The following CHMP7 variants were observed in gnomAD, a reference collection of about 807,000 sequenced individuals.
The protein encoded by CHMP7 is CHMP family, member 7.
A neutral mutation model predicts 53.7 loss-of-function variants in CHMP7; 15 were observed. That is an observed-to-expected ratio of 0.28 (90% confidence interval 0.19 to 0.43). CHMP7 has a LOEUF of 0.43. Among genes scored for constraint, CHMP7 ranks in the 20% least tolerant of loss-of-function variants. The pLI is 1.00. For missense variants in CHMP7, 527 were observed against 569.4 expected, an observed-to-expected ratio of 0.93 and a Z score of 0.76; for synonymous variants, 261 against 228.0, an observed-to-expected ratio of 1.14 and a Z score of -1.30.
Position 23,246,617 on chromosome 8 carries a change from C to A in CHMP7, c.-79C>A. On this transcript the variant is annotated 5_prime_UTR_variant, in exon 2 of 11. Coordinates refer to ENST00000397677, the MANE Select transcript of CHMP7 (RefSeq NM_152272.5). ...GAACGAGAAGGAGGTGGTCAAGGAA[C>A]GGAAGCCGGGAGGGAACGAGGGCGG... 3.9e-6 allele frequency: 5 copies of A among 1,267,558 alleles called. No individual in the cohort carries two copies. The highest frequency in any genetic ancestry group is 5.4e-6 in the Non-Finnish European group (5 of 923,578). 78.5% of individuals were successfully genotyped at this position (1,267,558 alleles called of 1,614,324 possible). A position where few individuals can be genotyped will look rare whatever the true frequency, so the allele number is the denominator to read the frequency against.
chr8:23,246,580 G>A lies in CHMP7; in HGVS notation c.-116G>A. 1.2e-6 allele frequency: 1 copy of A among 815,244 alleles called. No homozygotes were observed. The highest frequency in any genetic ancestry group is 2.7e-5 in the East Asian group (1 of 37,364). 50.5% of individuals were successfully genotyped at this position (815,244 alleles called of 1,614,324 possible). ...TGGAACTTATTTCACGCTCAGGGCG[G>A]CGGTGACGTGTGAACGAGAAGGAGG... On this transcript the variant is annotated 5_prime_UTR_variant, in exon 2 of 11. Coordinates refer to ENST00000397677, the MANE Select transcript of CHMP7 (RefSeq NM_152272.5).
intron 1 of CHMP7, among the ~76,000 whole-genome samples, chr8:23,245,703 CTTT>C (rs55893321): frequency 3.3e-5 from 5 of 151,934 alleles, no homozygotes; most frequent in Non-Finnish European, 7.4e-5. Context: ...ACTGGTACAA[CTTT>C]TTTCTTAAAT....
At chr8:23,258,899 A>C (rs1392802640) in intron 8 of CHMP7, 69 bp downstream of exon 8, 2 of 1,196,974 alleles carry the variant, frequency 1.7e-6, no homozygotes, top group Non-Finnish European at 1.2e-6. Context: ...ACTTCATTGC[A>C]CATCCTCTTT....
intron 5 of CHMP7, among the ~76,000 whole-genome samples, chr8:23,256,952 C>G (rs997924689): frequency 1.3e-5 from 2 of 152,014 alleles, no homozygotes; most frequent in Non-Finnish European, 2.9e-5. Flanking sequence ...GCCACCACGC[C>G]TGGCGAATTT....
At chr8:23,251,009 G>C (rs1801907432) in intron 3 of CHMP7, among the ~76,000 whole-genome samples, 1 of 152,202 alleles carries the variant, frequency 6.6e-6, no homozygotes, top group Non-Finnish European at 1.5e-5. Flanking sequence ...CTGCCCAGTG[G>C]CCTGGTCTCC....
Position 23,260,740 on chromosome 8 carries a change from T to TA in CHMP7, c.*142dup. ...CTGATTTTATCTGGATGCTACTACT[T>TA]ACTACAGGACAGATAGAATTTCTGG... On this transcript the variant is annotated 3_prime_UTR_variant, in exon 11 of 11. Transcript: ENST00000397677. 1.4e-6 allele frequency: 1 copy of TA among 709,600 alleles called. No homozygotes were observed. The highest frequency in any genetic ancestry group is 2.5e-6 in the Non-Finnish European group (1 of 401,220). 44.0% of individuals were successfully genotyped at this position (709,600 alleles called of 1,614,324 possible). A position where few individuals can be genotyped will look rare whatever the true frequency, so the allele number is the denominator to read the frequency against.
intron 3 of CHMP7, 89 bp downstream of exon 3, chr8:23,249,470 G>A (rs1051189875): frequency 1.9e-5 from 21 of 1,081,824 alleles, no homozygotes; most frequent in African/African-American, 1.6e-4. Context: ...AAAAAAGACC[G>A]TCTCTTTTTT....
intron 10 of CHMP7, 42 bp from the exon 11 acceptor site, chr8:23,260,496 G>T: frequency 6.3e-7 from 1 of 1,586,298 alleles, no homozygotes; most frequent in East Asian, 2.3e-5. Context: ...TCATCTTCAA[G>T]ATTTTCCTGT....
chr8:23,251,707 C>T (rs1801936110), intron 3 of CHMP7, among the ~76,000 whole-genome samples: 1 of 152,178 alleles, frequency 6.6e-6, no homozygotes, highest in South Asian at 2.1e-4. Flanking sequence ...TTTCCAGGCC[C>T]TACACAGTAT....
Position 23,246,573 on chromosome 8 carries a change from C to A in CHMP7, c.-123C>A, listed in dbSNP as rs1801690686. ...AGACTTATGGAACTTATTTCACGCT[C>A]AGGGCGGCGGTGACGTGTGAACGAG... On this transcript the variant is annotated 5_prime_UTR_variant, in exon 2 of 11. The change creates a premature stop within an existing upstream ORF in the 5' untranslated region. Coordinates refer to ENST00000397677, the MANE Select transcript of CHMP7 (RefSeq NM_152272.5). 3 of 779,992 alleles carry A rather than the reference C, an allele frequency of 3.8e-6. No individual in the cohort carries two copies. The highest frequency in any genetic ancestry group is 4.0e-6 in the Non-Finnish European group (2 of 497,654). The allele number at this position is 779,992 out of a possible 1,614,324, so 48.3% of individuals were successfully genotyped here. A position where few individuals can be genotyped will look rare whatever the true frequency, so the allele number is the denominator to read the frequency against.
In CHMP7 at chr8:23,256,454, C is replaced by G; in HGVS notation, c.658-6C>G. 1 of 1,597,664 alleles carries G rather than the reference C, an allele frequency of 6.3e-7. No individual in the cohort carries two copies. Among genetic ancestry groups the G allele is most frequent in the Non-Finnish European group, 8.6e-7 (1 of 1,165,202 alleles). On this transcript the variant is annotated splice_region_variant and splice_polypyrimidine_tract_variant and intron_variant, in intron 4 of 10. Coordinates refer to ENST00000397677, the MANE Select transcript of CHMP7 (RefSeq NM_152272.5). ...GCAGCAGTAGTAATTTCTCCCTGTC[C>G]CTCAGATTGTGAAGTTTGCCCGAGG...
intron 3 of CHMP7, among the ~76,000 whole-genome samples, chr8:23,253,191 A>G (rs1801995442): frequency 6.6e-6 from 1 of 152,120 alleles, no homozygotes. Context: ...GACTTTCAAC[A>G]TTGTATCGCT....
chr8:23,259,161 C>CTTTTTTTTTTTTTTTTTTTTTTTTTTT (rs1491187498), intron 9 of CHMP7, 35 bp downstream of exon 9: 2 of 478,900 alleles, frequency 4.2e-6, no homozygotes. Flanking sequence ...TATTTTTATT[C>CTTTTTTTTTTTTTTTTTTTTTTTTTTT]ATTTTTTTTT....
At chr8:23,248,119 G>A (rs926758462) in intron 2 of CHMP7, 2 of 456,006 alleles carry the variant, frequency 4.4e-6, no homozygotes, top group African/African-American at 4.0e-5. Flanking sequence ...GGCCAACGAG[G>A]CTTTCTGAGA....
In CHMP7 at chr8:23,246,795, C is replaced by T. The variant is rs1181383738; in HGVS notation, c.100C>T (p.Leu34=). ...GGAGGACGAGGAGCGCATGTCCTTC[C>T]TGTTCTCCGCTTTCAAGAGGAGTCG... ...WEEDEERMSF[L]FSAFKRSREV... The change falls in exon 2 of 11, where the codon CTG becomes TTG. Residue 34 remains leucine (L), a synonymous_variant. Transcript: ENST00000397677. The T allele has an allele frequency of 2.5e-6, 4 of 1,588,708 alleles. No homozygotes were observed. Among genetic ancestry groups the T allele is most frequent in the East Asian group, 2.3e-5 (1 of 43,256 alleles).
At chr8:23,251,735 T>A (rs2128857950) in intron 3 of CHMP7, among the ~76,000 whole-genome samples, 1 of 152,332 alleles carries the variant, frequency 6.6e-6, no homozygotes, top group East Asian at 1.9e-4. Context: ...CTCGATTCTT[T>A]TTGATGCCTG....
intron 4 of CHMP7, 60 bp downstream of exon 4, chr8:23,255,492 A>C (rs1802089485): frequency 1.3e-6 from 2 of 1,517,034 alleles, no homozygotes; most frequent in Admixed American, 3.4e-5. Flanking sequence ...TACATAGAGT[A>C]GTGAGCCCTT....
At chr8:23,254,015 A>G (rs773749556) in intron 3 of CHMP7, among the ~76,000 whole-genome samples, 21 of 152,124 alleles carry the variant, frequency 1.4e-4, no homozygotes, top group Admixed American at 7.2e-4. Context: ...AATATAGGAT[A>G]TTACACTTTC....
chr8:23,244,498 CTATT>C (rs1272840607), intron 1 of CHMP7, among the ~76,000 whole-genome samples: 2 of 152,166 alleles, frequency 1.3e-5, no homozygotes, highest in Non-Finnish European at 2.9e-5. Context: ...TTCCATTTAT[CTATT>C]TGTTTATTCT....
Sources: allele counts gnomAD v4.1 joint callset (sites outside exome capture counted in the v4.1 genomes callset), GRCh38; gene constraint gnomAD v4.1.1; transcripts MANE v1.5; gene names NCBI Gene and HGNC (gene_info 2026-07-23, HGNC 2026-07-21).